The following ATP8B1 variants were observed in gnomAD, a reference collection of about 807,000 sequenced individuals.
The protein encoded by ATP8B1 is ATPase phospholipid transporting 8B1, also known as phospholipid-transporting ATPase IC.
A neutral mutation model predicts 149.9 loss-of-function variants in ATP8B1; 80 were observed. The ratio of observed to expected loss-of-function variants is 0.53; its 90% CI spans 0.45 to 0.64. The LOEUF is 0.64. Among genes scored for constraint, ATP8B1 ranks in the 30% least tolerant of loss-of-function variants. The pLI, the probability that ATP8B1 is intolerant of heterozygous loss-of-function variation, is 0.00. For missense variants in ATP8B1, 1,247 were observed against 1,552.6 expected, an observed-to-expected ratio of 0.80 and a Z score of 3.31; for synonymous variants, 536 against 562.8, an observed-to-expected ratio of 0.95 and a Z score of 0.67.
intron 1 of ATP8B1, among the ~76,000 whole-genome samples, chr18:57,750,231 A>C (rs2080003378): frequency 6.6e-6 from 1 of 152,202 alleles, no homozygotes; most frequent in Non-Finnish European, 1.5e-5. Flanking sequence ...CAACAGAGTG[A>C]GATTCCATCT....
chr18:57,709,743 G>C (rs1420219276), intron 2 of ATP8B1, among the ~76,000 whole-genome samples: 1 of 151,074 alleles, frequency 6.6e-6, no homozygotes, highest in South Asian at 2.1e-4. Context: ...GCAGTGGTGC[G>C]ATCTCAGCTC....
At chr18:57,782,959 C>T (rs1222945827) in intron 1 of ATP8B1, among the ~76,000 whole-genome samples, 1 of 151,774 alleles carries the variant, frequency 6.6e-6, no homozygotes, top group Non-Finnish European at 1.5e-5. Flanking sequence ...ATTACAGGCA[C>T]CCACCACCAT....
intron 22 of ATP8B1, among the ~76,000 whole-genome samples, chr18:57,658,087 C>T (rs920177465): frequency 1.3e-5 from 2 of 151,742 alleles, no homozygotes; most frequent in Non-Finnish European, 2.9e-5. Flanking sequence ...TTTTCTGTCG[C>T]CCAGGCTGGA....
intron 17 of ATP8B1, among the ~76,000 whole-genome samples, chr18:57,670,310 A>G (rs1323682975): frequency 2.0e-5 from 3 of 151,856 alleles, no homozygotes; most frequent in African/African-American, 7.3e-5. Context: ...CAATTTTCCC[A>G]TGATGAACGA....
chr18:57,651,946 A>G (rs189369949), intron 26 of ATP8B1, 88 bp downstream of exon 26: 5 of 1,500,348 alleles, frequency 3.3e-6, no homozygotes, highest in East Asian at 2.3e-5. Flanking sequence ...TCCACCTTGT[A>G]TATTTTATTA....
In ATP8B1 at chr18:57,694,519, G is replaced by A. The variant is rs79556421; in HGVS notation, c.1029+63C>T. 6.0e-3 allele frequency: 6,728 copies of A among 1,120,144 alleles called. 243 individuals are homozygous for A. In the African/African-American group the frequency reaches 0.088, roughly 15 times the overall value. 69.4% of individuals were successfully genotyped at this position (1,120,144 alleles called of 1,614,324 possible). On this transcript the variant is annotated intron_variant, in intron 11 of 27. Transcript: ENST00000648908. ...AAGATTTTGTATTAGAAAAACATAC[G>A]ATAATATTAGTGCAAAAGACAGCAA...
intron 2 of ATP8B1, among the ~76,000 whole-genome samples, chr18:57,711,427 T>C (rs1252915537): frequency 6.6e-6 from 1 of 152,164 alleles, no homozygotes. Flanking sequence ...GTGTGATGCA[T>C]AGAATTCATA....
At chr18:57,799,632 C>G (rs1489067701) in intron 1 of ATP8B1, among the ~76,000 whole-genome samples, 5 of 149,772 alleles carry the variant, frequency 3.3e-5, no homozygotes, top group Non-Finnish European at 7.4e-5. Flanking sequence ...TTGCTTGAAC[C>G]AGCGAAGAGG....
intron 12 of ATP8B1, among the ~76,000 whole-genome samples, chr18:57,689,503 TAAC>T (rs1201426357): frequency 1.3e-5 from 2 of 152,156 alleles, no homozygotes; most frequent in Non-Finnish European, 2.9e-5. Context: ...AGGAAGTCCT[TAAC>T]AAGTTAAACA....
chr18:57,732,173 A>ATATATGTG (rs2079779565), intron 1 of ATP8B1: 9 of 42,664 alleles, frequency 2.1e-4, no homozygotes, highest in African/African-American at 6.6e-4. Context: ...GTATATATGT[A>ATATATGTG]TATATGTGTA....
intron 1 of ATP8B1, among the ~76,000 whole-genome samples, chr18:57,756,467 A>G (rs1444264291): frequency 6.6e-6 from 1 of 151,114 alleles, no homozygotes; most frequent in Non-Finnish European, 1.5e-5. Context: ...TGCCCAGCTA[A>G]TTTTTATATT....
At chr18:57,741,196 C>G (rs886586607) in intron 1 of ATP8B1, among the ~76,000 whole-genome samples, 2 of 151,816 alleles carry the variant, frequency 1.3e-5, no homozygotes, top group South Asian at 4.2e-4. Context: ...TTGGCCTCCC[C>G]AAGTGCTGGG....
intron 18 of ATP8B1, 80 bp downstream of exon 18, chr18:57,669,238 T>A: frequency 7.2e-7 from 1 of 1,390,334 alleles, no homozygotes; most frequent in Non-Finnish European, 9.9e-7. Context: ...AAGCATGAGA[T>A]CAAATATTCA....
chr18:57,746,713 T>C (rs2123240315), intron 1 of ATP8B1, among the ~76,000 whole-genome samples: 1 of 152,162 alleles, frequency 6.6e-6, no homozygotes, highest in South Asian at 2.1e-4. Flanking sequence ...TGACCTCAAG[T>C]GTTGCACCTG....
intron 23 of ATP8B1, among the ~76,000 whole-genome samples, chr18:57,654,748 G>A (rs942179337): frequency 5.0e-5 from 7 of 139,456 alleles, no homozygotes; most frequent in Middle Eastern, 4.5e-3. Flanking sequence ...GTGCAATAGC[G>A]CAGTCTCGGC....
chr18:57,767,788 TAA>T (rs35968334), intron 1 of ATP8B1, among the ~76,000 whole-genome samples: 6 of 143,824 alleles, frequency 4.2e-5, no homozygotes, highest in Admixed American at 1.4e-4. Flanking sequence ...AAACTCCATC[TAA>T]AAAAAAAAAA....
intron 16 of ATP8B1, among the ~76,000 whole-genome samples, chr18:57,674,491 T>C (rs909998429): frequency 4.1e-5 from 6 of 147,732 alleles, no homozygotes; most frequent in Admixed American, 1.4e-4. Flanking sequence ...TTCACGCCAT[T>C]CTCCTGTCTC....
In ATP8B1 at chr18:57,661,292, G is replaced by A. The variant is rs748897543; in HGVS notation, c.2589C>T (p.Val863=). The A allele has an allele frequency of 1.5e-5, 24 of 1,613,886 alleles. No homozygotes were observed. The South Asian group carries it at 2.3e-4, about 16-fold the overall frequency. The change falls in exon 22 of 28, where the codon GTC becomes GTT. Residue 863 remains valine, a synonymous_variant. Transcript: ENST00000648908. The stretch of plus-strand genomic sequence containing the variant: ...GCTTGGGGGTGACGCGGCAGCAGAT[G>A]ACTGCGCTGCACTCGCAGGCCAGGT... ...FVDLACECSA[V]ICCRVTPKQK... is the part of the protein sequence containing the mutation.
chr18:57,716,056 A>G (rs1341656470), intron 2 of ATP8B1, among the ~76,000 whole-genome samples: 1 of 152,212 alleles, frequency 6.6e-6, no homozygotes. Flanking sequence ...AATAAGATAT[A>G]AATAGAAACA....
Sources: allele counts gnomAD v4.1 joint callset (sites outside exome capture counted in the v4.1 genomes callset), GRCh38; gene constraint gnomAD v4.1.1; transcripts MANE v1.5; gene names NCBI Gene and HGNC (gene_info 2026-07-23, HGNC 2026-07-21).